MN1: variants seen among roughly 807,000 people sequenced by gnomAD.
MN1 encodes MN1 proto-oncogene, transcriptional regulator, also known as transcriptional activator MN1.
A neutral mutation model predicts 86.9 loss-of-function variants in MN1; 19 were observed. That is an observed-to-expected ratio of 0.22 (90% confidence interval 0.15 to 0.32). MN1 has a LOEUF of 0.32. MN1 is among the 10% of genes least tolerant of loss of function. The pLI, the probability that MN1 is intolerant of heterozygous loss-of-function variation, is 1.00. For synonymous variants in MN1, 928 were observed against 849.6 expected, an observed-to-expected ratio of 1.09 and a Z score of -1.60; for missense variants, 1,841 against 1,862.0, an observed-to-expected ratio of 0.99 and a Z score of 0.21.
intron 1 of MN1, among the ~76,000 whole-genome samples, chr22:27,762,776 T>C (rs868356957): frequency 2.0e-5 from 3 of 151,686 alleles, no homozygotes; most frequent in African/African-American, 4.8e-5. Context: ...CAACAAATAA[T>C]GATTTTTATC....
chr22:27,784,392 C>G (rs1933093640), intron 1 of MN1, among the ~76,000 whole-genome samples: 1 of 152,100 alleles, frequency 6.6e-6, no homozygotes, highest in African/African-American at 2.4e-5. Flanking sequence ...GATGGACTGT[C>G]AAAAAACACA....
chr22:27,795,907 G>A (rs45571543), intron 1 of MN1, among the ~76,000 whole-genome samples: 4 of 151,818 alleles, frequency 2.6e-5, no homozygotes, highest in Admixed American at 6.6e-5. Flanking sequence ...TGGTGGGGAG[G>A]GGGTGCTTAG....
intron 1 of MN1, among the ~76,000 whole-genome samples, chr22:27,776,017 G>C (rs1932974036): frequency 6.6e-6 from 1 of 152,252 alleles, no homozygotes; most frequent in Non-Finnish European, 1.5e-5. Context: ...CAAGGAAGCA[G>C]TGGGGGCTGC....
intron 1 of MN1, among the ~76,000 whole-genome samples, chr22:27,758,468 A>G (rs1391952655): frequency 2.0e-5 from 3 of 152,210 alleles, no homozygotes; most frequent in African/African-American, 7.2e-5. Context: ...TGATACCGCT[A>G]GCTGCAGGCT....
At position 27,750,817 on chromosome 22, in the gene MN1, C is replaced by T; in HGVS notation, c.*98G>A. On this transcript the variant is annotated 3_prime_UTR_variant, in exon 2 of 2. Transcript: ENST00000302326. ...AACTCATCCACTCAGCAATAGTGGC[C>T]CTTTCAAATTAACAGAGGGGTGGGG... 1.8e-6 allele frequency: 2 copies of T among 1,097,250 alleles called. No individual in the cohort carries two copies. Among genetic ancestry groups the T allele is most frequent in the Non-Finnish European group, 1.3e-6 (1 of 783,860 alleles). The allele number at this position is 1,097,250 out of a possible 1,614,324, so 68.0% of individuals were successfully genotyped here.
chr22:27,800,873 C>A lies in MN1; in HGVS notation c.-330G>T. 14 of 309,774 alleles carry A rather than the reference C, an allele frequency of 4.5e-5. No homozygotes were observed. Among genetic ancestry groups the A allele is most frequent in the South Asian group, 4.5e-4 (5 of 11,180 alleles). 19.2% of individuals were successfully genotyped at this position (309,774 alleles called of 1,614,324 possible). ...GGGAGGGGACGAAGCCGCGGATGAACGGAGACAAAAAGTTAAGTGGGGGGA... is the reference window on the plus strand; with the variant it reads ...GGGAGGGGACGAAGCCGCGGATGAAAGGAGACAAAAAGTTAAGTGGGGGGA... On this transcript the variant is annotated 5_prime_UTR_variant, in exon 1 of 2. Coordinates refer to ENST00000302326, the MANE Select transcript of MN1 (RefSeq NM_002430.3).
chr22:27,761,785 T>C (rs1272660178), intron 1 of MN1, among the ~76,000 whole-genome samples: 1 of 152,232 alleles, frequency 6.6e-6, no homozygotes, highest in South Asian at 2.1e-4. Context: ...CAGTGCAGTC[T>C]GGTGAGAGGC....
Position 27,798,610 on chromosome 22 carries a change from C to T in MN1, c.1934G>A (p.Arg645His). ...GGGCAGACCCGAGCCGCCCATCCTA[C>T]GGGGCAGCAGGTCTCCGGGCGGCGG... ...PHPPPGDLLP[R>H]RMGGSGLPAD... Residue 645 changes from arginine (R) to histidine (H), a missense_variant, in exon 1 of 2, where the codon CGT becomes CAT. Physicochemically the swap from Arg to His is conservative, Grantham distance 29. Transcript: ENST00000302326. 6.4e-7 allele frequency: 1 copy of T among 1,560,864 alleles called. No individual in the cohort carries two copies. Among genetic ancestry groups the T allele is most frequent in the Non-Finnish European group, 8.6e-7 (1 of 1,162,286 alleles).
At chr22:27,772,757 G>A (rs1932930352) in intron 1 of MN1, among the ~76,000 whole-genome samples, 1 of 152,042 alleles carries the variant, frequency 6.6e-6, no homozygotes, top group Non-Finnish European at 1.5e-5. Context: ...GTTCCCAGTG[G>A]TTTCCAGCCG....
chr22:27,764,215 C>T (rs1932853654), intron 1 of MN1, among the ~76,000 whole-genome samples: 1 of 152,204 alleles, frequency 6.6e-6, no homozygotes, highest in Admixed American at 6.5e-5. Flanking sequence ...ATCCATCTAA[C>T]CTTGCCGTAG....
chr22:27,797,161 C>A lies in MN1; in HGVS notation c.3383G>T (p.Gly1128Val). The change falls in exon 1 of 2, where the codon GGC (glycine) becomes GTC (valine). Residue 1128 changes from glycine (G) to valine (V), a missense_variant. Physicochemically the swap from Gly to Val is moderately radical, Grantham distance 109. Coordinates refer to ENST00000302326, the MANE Select transcript of MN1 (RefSeq NM_002430.3). ...GCGGACCTGCTCCAGGCCCGGAGTGCCCGGATGGCCCGGGCCCCCACCGCC... is the reference window on the plus strand; with the variant it reads ...GCGGACCTGCTCCAGGCCCGGAGTGACCGGATGGCCCGGGCCCCCACCGCC... ...YGGGGGPGHP[G>V]TPGLEQVRTP... The A allele has an allele frequency of 1.3e-6, 2 of 1,560,664 alleles. No individual in the cohort carries two copies. The highest frequency in any genetic ancestry group is 1.7e-6 in the Non-Finnish European group (2 of 1,156,286).
chr22:27,791,715 A>T (rs1933213296), intron 1 of MN1: 1 of 152,242 alleles, frequency 6.6e-6, no homozygotes, highest in African/African-American at 2.4e-5. Context: ...CTCTAAAAAT[A>T]ACCAAACAGA....
intron 1 of MN1, among the ~76,000 whole-genome samples, chr22:27,795,487 A>T (rs1826620923): frequency 6.6e-6 from 1 of 152,074 alleles, no homozygotes; most frequent in South Asian, 2.1e-4. Context: ...AGGAGGAAAG[A>T]ACTGTAAAAG....
At chr22:27,795,764 A>C (rs1163594615) in intron 1 of MN1, among the ~76,000 whole-genome samples, 1 of 152,084 alleles carries the variant, frequency 6.6e-6, no homozygotes, top group East Asian at 1.9e-4. Flanking sequence ...AGACATTTTA[A>C]ACCTCCATTC....
Position 27,798,518 on chromosome 22 carries a change from A to G in MN1, c.2026T>C (p.Phe676Leu). 6.5e-7 allele frequency: 1 copy of G among 1,530,818 alleles called. No individual in the cohort carries two copies. The highest frequency in any genetic ancestry group is 8.7e-7 in the Non-Finnish European group (1 of 1,149,876). 94.8% of individuals were successfully genotyped at this position (1,530,818 alleles called of 1,614,324 possible). Residue 676 changes from phenylalanine to leucine, a missense_variant, in exon 1 of 2, where the codon TTC (phenylalanine) becomes CTC (leucine). Coordinates refer to ENST00000302326, the MANE Select transcript of MN1 (RefSeq NM_002430.3). ...PPPPGGSGVL[F>L]RGPLQEPMRM... ...ATCGGCTCCTGCAGAGGGCCCCGGA[A>G]CAGCACCCCCGAGCCACCAGGCGGA...
chr22:27,785,833 AT>A (rs1933126077), intron 1 of MN1, among the ~76,000 whole-genome samples: 1 of 149,778 alleles, frequency 6.7e-6, no homozygotes, highest in South Asian at 2.2e-4. Flanking sequence ...GGGTGTCGTA[AT>A]TACCGGAAAC....
In MN1 at chr22:27,799,476, C is replaced by T; in HGVS notation, c.1068G>A (p.Pro356=). The change falls in exon 1 of 2, where the codon CCG becomes CCA. Residue 356 remains proline, a synonymous_variant. Coordinates refer to ENST00000302326, the MANE Select transcript of MN1 (RefSeq NM_002430.3). ...GTGGCGGCGGCGGCTGCTGCTGTGG[C>T]GGCTGCTGCGGGGGCTGCTGCTGAG... is the stretch of plus-strand genomic sequence containing the variant. ...PPPQQQPPQQ[P]PQQQPPPPPG... 4 of 1,452,710 alleles carry T rather than the reference C, an allele frequency of 2.8e-6. No individual in the cohort carries two copies. Among genetic ancestry groups the T allele is most frequent in the South Asian group, 1.5e-5 (1 of 68,094 alleles). The allele number at this position is 1,452,710 out of a possible 1,614,324, so 90.0% of individuals were successfully genotyped here.
chr22:27,795,606 A>G (rs1191034253), intron 1 of MN1, among the ~76,000 whole-genome samples: 1 of 152,286 alleles, frequency 6.6e-6, no homozygotes, highest in Non-Finnish European at 1.5e-5. Flanking sequence ...GAATTCAACT[A>G]TAGTTTAAAA....
At position 27,800,554 on chromosome 22, in the gene MN1, G is replaced by C. The variant is rs1933416437; in HGVS notation, c.-11C>G. The C allele has an allele frequency of 1.2e-6, 2 of 1,613,732 alleles. No individual in the cohort carries two copies. Among genetic ancestry groups the C allele is most frequent in the Non-Finnish European group, 1.7e-6 (2 of 1,180,016 alleles). On this transcript the variant is annotated 5_prime_UTR_variant, in exon 1 of 2. Transcript: ENST00000302326. ...GTCCAGCCCAAACATACTTGGCGGG[G>C]GGCAGAGGGGGATCAATAGGGCATG...
Sources: gnomAD v4.1 joint callset for allele counts (sites outside exome capture counted in the v4.1 genomes callset) on GRCh38, gnomAD v4.1.1 for gene constraint, MANE v1.5 for transcripts, NCBI Gene and HGNC (gene_info 2026-07-23, HGNC 2026-07-21) for gene names.